BACE2: variants seen among roughly 807,000 people sequenced by gnomAD.
The protein encoded by BACE2 is 56 kDa aspartic-like protease.
BACE2 carries 17 observed loss-of-function variants against 46.2 expected under a neutral mutation model. That is an observed-to-expected ratio of 0.37 (90% confidence interval 0.25 to 0.55). BACE2 has a LOEUF of 0.55. Ranked by LOEUF, BACE2 falls within the 20% of genes least tolerant of loss-of-function variation. The pLI, the probability that BACE2 is intolerant of heterozygous loss-of-function variation, is 0.82. For synonymous variants in BACE2, 277 were observed against 295.9 expected, an observed-to-expected ratio of 0.94 and a Z score of 0.66; for missense variants, 595 against 698.1, an observed-to-expected ratio of 0.85 and a Z score of 1.66.
intron 3 of BACE2, among the ~76,000 whole-genome samples, chr21:41,238,815 A>C (rs1415978795): frequency 5.0e-5 from 2 of 39,694 alleles, no homozygotes; most frequent in Non-Finnish European, 8.8e-5. Flanking sequence ...GGGTGGGGGG[A>C]GGGGGGAGGG....
intron 1 of BACE2, among the ~76,000 whole-genome samples, chr21:41,197,199 A>T (rs1427088639): frequency 6.6e-6 from 1 of 150,620 alleles, no homozygotes; most frequent in Non-Finnish European, 1.5e-5. Flanking sequence ...GAGCTTAAGG[A>T]TCCTCCCACC....
rs531440425 is a variant in BACE2, at chr21:41,277,138, C to T, written c.*1514C>T. On this transcript the variant is annotated 3_prime_UTR_variant, in exon 9 of 9. Coordinates refer to ENST00000330333, the MANE Select transcript of BACE2 (RefSeq NM_012105.5). ...ATTCCACCAAAAGTGCTAAGTGTCC[C>T]CTCCTGCAGAAGTATCGTTTGTATT... 1 of 152,058 alleles carries T rather than the reference C, an allele frequency of 6.6e-6. No homozygotes were observed. The highest frequency in any genetic ancestry group is 2.4e-5 in the African/African-American group (1 of 41,470). 9.4% of individuals were successfully genotyped at this position (152,058 alleles called of 1,614,324 possible). A position where few individuals can be genotyped will look rare whatever the true frequency, so the allele number is the denominator to read the frequency against.
chr21:41,178,936 CT>C (rs1984963337), intron 1 of BACE2: 2 of 422,448 alleles, frequency 4.7e-6, no homozygotes, highest in African/African-American at 2.1e-5. Context: ...AAGAATCCTG[CT>C]TTATAAGGGC....
intron 3 of BACE2, among the ~76,000 whole-genome samples, chr21:41,238,521 T>C (rs910277801): frequency 3.3e-5 from 5 of 152,034 alleles, no homozygotes; most frequent in Admixed American, 6.6e-5. Flanking sequence ...TATTGCGGCA[T>C]TATTCACAAT....
At chr21:41,175,256 A>G (rs1419854662) in intron 1 of BACE2, 1 of 152,190 alleles carries the variant, frequency 6.6e-6, no homozygotes, top group Non-Finnish European at 1.5e-5. Context: ...TTTTTATTAT[A>G]TGGCAATCAT....
At position 41,192,366 on chromosome 21, in the gene BACE2, G is replaced by A. The variant is rs573969416; in HGVS notation, c.312+23791G>A. Among the ~76,000 whole-genome samples, 7 of 152,226 alleles carry A rather than the reference G, an allele frequency of 4.6e-5. No homozygotes were observed. The East Asian group carries it at 5.8e-4, about 13-fold the overall frequency. On this transcript the variant is annotated intron_variant, in intron 1 of 8. Coordinates refer to ENST00000330333, the MANE Select transcript of BACE2 (RefSeq NM_012105.5). ...TTACTTGTGCCTTCAGGATCTGCTC[G>A]AGCCCAATCACGTATATACCACTTC... is the stretch of plus-strand genomic sequence containing the variant.
At chr21:41,224,661 G>A (rs1301551312) in intron 1 of BACE2, among the ~76,000 whole-genome samples, 1 of 152,228 alleles carries the variant, frequency 6.6e-6, no homozygotes, top group African/African-American at 2.4e-5. Flanking sequence ...ATACACACCT[G>A]CCCTGAGACA....
chr21:41,245,655 A>G (rs951415458), intron 5 of BACE2, among the ~76,000 whole-genome samples: 9 of 152,258 alleles, frequency 5.9e-5, no homozygotes, highest in South Asian at 2.1e-4. Context: ...CAGGTCCTCA[A>G]TGAAGGAACT....
At chr21:41,260,061 C>G (rs1223661930) in intron 8 of BACE2, among the ~76,000 whole-genome samples, 1 of 152,052 alleles carries the variant, frequency 6.6e-6, no homozygotes, top group Non-Finnish European at 1.5e-5. Context: ...ACCTCCCAGG[C>G]TCAAGTGATT....
chr21:41,251,206 G>A lies in BACE2; in HGVS notation c.1134+305G>A, dbSNP rs933656562. Among the ~76,000 whole-genome samples the A allele has an allele frequency of 3.3e-5, 5 of 152,170 alleles. 1 individual carries two copies. In the South Asian group the frequency reaches 6.2e-4, roughly 19 times the overall value. ...GGTGGATGGAGGAACAGAGCCATGC[G>A]TTTCTCTCCATTCAGTGTCTGAGTC... On this transcript the variant is annotated intron_variant, in intron 7 of 8. Coordinates refer to ENST00000330333, the MANE Select transcript of BACE2 (RefSeq NM_012105.5).
chr21:41,169,449 GA>G (rs34570194), intron 1 of BACE2, among the ~76,000 whole-genome samples: 49,021 of 129,714 alleles, frequency 0.38, 8,732 homozygotes, highest in Admixed American at 0.45. Context: ...ACAGTGATCT[GA>G]AAAAAAAAAA....
Position 41,239,028 on chromosome 21 carries a change from G to A in BACE2, c.618+1299G>A, listed in dbSNP as rs886790662. ...TCCTGGCCCTGTACCTGGGTACCAC[G>A]CCCTGGCCTCACCTTGCTCAGCGTT... is the stretch of plus-strand genomic sequence containing the variant. On this transcript the variant is annotated intron_variant, in intron 3 of 8. Coordinates refer to ENST00000330333, the MANE Select transcript of BACE2 (RefSeq NM_012105.5). 4.8e-5 allele frequency among the ~76,000 whole-genome samples: 7 copies of A among 144,948 alleles called. No individual in the cohort carries two copies. The South Asian group carries it at 1.4e-3, about 29-fold the overall frequency.
rs576426055 is a variant in BACE2, at chr21:41,198,814, A to G, written c.313-27452A>G. Among the ~76,000 whole-genome samples the G allele has an allele frequency of 6.6e-5, 10 of 152,040 alleles. No individual in the cohort carries two copies. In the South Asian group the frequency reaches 2.1e-3, roughly 32 times the overall value. The stretch of plus-strand genomic sequence containing the variant: ...CCGAATAACCATCACCCTTCTAGGC[A>G]ACTTGGGTGATGTGTTGGTGGATCT... On this transcript the variant is annotated intron_variant, in intron 1 of 8. Transcript: ENST00000330333.
In BACE2 at chr21:41,276,840, C is replaced by T. The variant is rs2838002; in HGVS notation, c.*1216C>T. ...ACCCATCCAATCAGCTTAAATTGTT[C>T]AGCAGTTGACCTCTGTGCTTCTTCC... On this transcript the variant is annotated 3_prime_UTR_variant, in exon 9 of 9. Coordinates refer to ENST00000330333, the MANE Select transcript of BACE2 (RefSeq NM_012105.5). The T allele has an allele frequency of 0.71, 107,999 of 152,196 alleles. 38,900 individuals are homozygous for T. Among genetic ancestry groups the T allele is most frequent in the East Asian group, 0.99 (5,089 of 5,158 alleles). 9.4% of individuals were successfully genotyped at this position (152,196 alleles called of 1,614,324 possible).
chr21:41,174,139 CTTTTTTTTT>C (rs1328562900), intron 1 of BACE2, among the ~76,000 whole-genome samples: 1 of 48,498 alleles, frequency 2.1e-5, no homozygotes, highest in Admixed American at 2.7e-4. Context: ...GATCAGTGGC[CTTTTTTTTT>C]TTTTTTTTTT....
rs768831616 is a variant in BACE2 at position 41,241,877 on chromosome 21, A to G, written c.677A>G (p.Asn226Ser). The change falls in exon 4 of 9, where the codon AAC becomes AGC. Residue 226 changes from asparagine (N) to serine (S), a missense_variant. Transcript: ENST00000330333. ...DSLVTQANIP[N>S]VFSMQMCGAG... ...CTGGTGACACAAGCAAACATCCCCA[A>G]CGTTTTCTCCATGCAGATGTGTGGA... is the stretch of plus-strand genomic sequence containing the variant. The G allele has an allele frequency of 1.1e-5, 18 of 1,613,782 alleles. No homozygotes were observed. In the South Asian group the frequency reaches 1.2e-4, roughly 11 times the overall value.
intron 6 of BACE2, among the ~76,000 whole-genome samples, chr21:41,247,991 C>T (rs933744552): frequency 2.6e-5 from 4 of 152,116 alleles, no homozygotes; most frequent in African/African-American, 9.7e-5. Context: ...GAGTGAAAGA[C>T]AATAAAAACG....
chr21:41,245,831 A>C, intron 5 of BACE2, 131 bp from the exon 6 acceptor site: 1 of 624,288 alleles, frequency 1.6e-6, no homozygotes, highest in East Asian at 2.9e-5. Flanking sequence ...AATGAACTAC[A>C]CAGTCCATGA....
chr21:41,168,464 C>T lies in BACE2; in HGVS notation c.201C>T (p.Ala67=). The change falls in exon 1 of 9, where the codon GCC becomes GCT. Residue 67 remains alanine, a synonymous_variant. Coordinates refer to ENST00000330333, the MANE Select transcript of BACE2 (RefSeq NM_012105.5). ...GCTTGGCGCTCGCCCTGGAGCCTGCCCTGGCGTCCCCCGCGGGCGCCGCCA... is the reference window on the plus strand; with the variant it reads ...GCTTGGCGCTCGCCCTGGAGCCTGCTCTGGCGTCCCCCGCGGGCGCCGCCA... ...ADGLALALEP[A]LASPAGAANF... is the part of the protein sequence containing the mutation. 7.2e-7 allele frequency: 1 copy of T among 1,389,496 alleles called. No individual in the cohort carries two copies. The highest frequency in any genetic ancestry group is 1.8e-5 in the South Asian group (1 of 56,396). 86.1% of individuals were successfully genotyped at this position (1,389,496 alleles called of 1,614,324 possible).
Sources: gnomAD v4.1 joint callset for allele counts (sites outside exome capture counted in the v4.1 genomes callset) on GRCh38, gnomAD v4.1.1 for gene constraint, MANE v1.5 for transcripts, NCBI Gene and HGNC (gene_info 2026-07-23, HGNC 2026-07-21) for gene names.